SLC4A10: variants seen among roughly 807,000 people sequenced by gnomAD.
SLC4A10 encodes solute carrier family 4 member 10, also known as sodium-driven chloride bicarbonate exchanger.
Under a neutral mutation model 137.7 loss-of-function variants are expected in SLC4A10, and 42 were observed. That is an observed-to-expected ratio of 0.30 (90% CI 0.24 to 0.39). SLC4A10 has a LOEUF of 0.39. Ranked by LOEUF, SLC4A10 falls within the 10% of genes least tolerant of loss-of-function variation. SLC4A10 has a pLI of 1.00. For missense variants in SLC4A10, 925 were observed against 1,355.0 expected (o/e 0.68, Z 4.98); for synonymous variants, 474 against 464.1 (o/e 1.02, Z -0.27).
At chr2:161,673,969 G>A (rs2040014545) in intron 1 of SLC4A10, among the ~76,000 whole-genome samples, 2 of 152,028 alleles carry the variant, frequency 1.3e-5, no homozygotes, top group Admixed American at 1.3e-4. Context: ...CAGCCTGGGT[G>A]ACACAGCAAG....
Position 161,974,277 on chromosome 2 carries a change from ATGAGG to A in SLC4A10, c.3189_3193del (p.Asp1063GlufsTer12). On this transcript the variant is annotated frameshift_variant, in exon 24 of 27. Transcript: ENST00000446997. LOFTEE classifies it high-confidence loss of function. ...GAACAAAGTATGCTAGCTATGGAAGATGAGGGCACAGTACAACTCCCATTGGAAGG... is the reference window on the plus strand; with the variant it reads ...GAACAAAGTATGCTAGCTATGGAAGAGCACAGTACAACTCCCATTGGAAGG... 1 of 1,608,826 alleles carries A rather than the reference ATGAGG, an allele frequency of 6.2e-7. No homozygotes were observed.
In SLC4A10 at chr2:161,850,190, G is replaced by A. The variant is rs140825429; in HGVS notation, c.417-4780G>A. On this transcript the variant is annotated intron_variant, in intron 4 of 26. Coordinates refer to ENST00000446997, the MANE Select transcript of SLC4A10 (RefSeq NM_001178015.2). ...GGATCACTTGAGCCCAGACATTTGA[G>A]ACCAGCTTGGCCAAAATGGCAAAAC... Among the ~76,000 whole-genome samples the A allele has an allele frequency of 1.5e-3, 221 of 152,118 alleles. 1 individual carries two copies. Among genetic ancestry groups the A allele is most frequent in the African/African-American group, 5.1e-3 (213 of 41,500 alleles).
chr2:161,817,031 T>C (rs2057142237), intron 3 of SLC4A10, among the ~76,000 whole-genome samples: 1 of 152,198 alleles, frequency 6.6e-6, no homozygotes, highest in African/African-American at 2.4e-5. Context: ...TATTTCTAGT[T>C]CTAGATCCCT....
intron 9 of SLC4A10, among the ~76,000 whole-genome samples, chr2:161,880,651 CTA>C (rs1358683703): frequency 6.6e-6 from 1 of 152,134 alleles, no homozygotes; most frequent in Non-Finnish European, 1.5e-5. Context: ...GTGATTCAGG[CTA>C]TATGTTTTCT....
chr2:161,841,185 C>G (rs963115874), intron 4 of SLC4A10, among the ~76,000 whole-genome samples: 1 of 152,114 alleles, frequency 6.6e-6, no homozygotes, highest in African/African-American at 2.4e-5. Flanking sequence ...TCAAGCCATT[C>G]TCCTGCCCCA....
Position 161,851,184 on chromosome 2 carries a change from T to C in SLC4A10, c.417-3786T>C, listed in dbSNP as rs2059810624. Among the ~76,000 whole-genome samples, 3 of 152,360 alleles carry C rather than the reference T, an allele frequency of 2.0e-5. No homozygotes were observed. In the South Asian group the frequency reaches 6.2e-4, roughly 32 times the overall value. The stretch of plus-strand genomic sequence containing the variant: ...CTGCAGATGAAAAGAATGTATATTC[T>C]GTTTTTGTTGGGTGGAGTGTTCTGT... On this transcript the variant is annotated intron_variant, in intron 4 of 26. Coordinates refer to ENST00000446997, the MANE Select transcript of SLC4A10 (RefSeq NM_001178015.2).
intron 15 of SLC4A10, chr2:161,931,542 T>TAAA (rs2105634057): frequency 1.3e-5 from 2 of 152,328 alleles, no homozygotes; most frequent in African/African-American, 4.8e-5. Flanking sequence ...TAATACTTTT[T>TAAA]AAATCTTTAA....
At chr2:161,818,180 T>C (rs937344233) in intron 3 of SLC4A10, among the ~76,000 whole-genome samples, 7 of 152,232 alleles carry the variant, frequency 4.6e-5, no homozygotes, top group South Asian at 2.1e-4. Context: ...TAGTTCTCCT[T>C]GACGAGGTCC....
chr2:161,724,261 G>C (rs962299382), intron 1 of SLC4A10, among the ~76,000 whole-genome samples: 3 of 152,150 alleles, frequency 2.0e-5, no homozygotes, highest in Non-Finnish European at 4.4e-5. Flanking sequence ...ACCAGAATCA[G>C]GGGTTTGCCT....
chr2:161,863,173 A>C, intron 6 of SLC4A10, 111 bp downstream of exon 6: 1 of 1,010,406 alleles, frequency 9.9e-7, no homozygotes, highest in Non-Finnish European at 1.4e-6. Flanking sequence ...TTTGAAATTC[A>C]GATTATTGTA....
chr2:161,975,441 C>T (rs984414287), intron 24 of SLC4A10, among the ~76,000 whole-genome samples: 9 of 152,116 alleles, frequency 5.9e-5, no homozygotes, highest in Non-Finnish European at 1.3e-4. Context: ...TGTATAGCTT[C>T]GTTCAATCAA....
At chr2:161,802,973 A>G (rs1249118912) in intron 2 of SLC4A10, among the ~76,000 whole-genome samples, 1 of 152,164 alleles carries the variant, frequency 6.6e-6, no homozygotes, top group African/African-American at 2.4e-5. Flanking sequence ...CTCGGGGGAC[A>G]TAAGCCTTCA....
chr2:161,728,752 A>G (rs2125166059), intron 1 of SLC4A10, among the ~76,000 whole-genome samples: 1 of 152,316 alleles, frequency 6.6e-6, no homozygotes, highest in Non-Finnish European at 1.5e-5. Flanking sequence ...CAAAGGCAAT[A>G]CAAGAAAATG....
In SLC4A10 at chr2:161,957,162, C is replaced by A; in HGVS notation, c.2715C>A (p.Gly905=). ...CAGGAGAACAACCCAAATTTCTCGG[C>A]ATTCGGGAGCAAAGGGTTACTGGGC... is the stretch of plus-strand genomic sequence containing the variant. ...SAPGEQPKFL[G]IREQRVTGLM... is the part of the protein sequence containing the mutation. The change falls in exon 20 of 27, where the codon GGC becomes GGA. Residue 905 remains glycine (G), a synonymous_variant. Transcript: ENST00000446997. 1 of 1,613,766 alleles carries A rather than the reference C, an allele frequency of 6.2e-7. No individual in the cohort carries two copies.
At chr2:161,820,604 T>A (rs2057531196) in intron 3 of SLC4A10, among the ~76,000 whole-genome samples, 1 of 152,232 alleles carries the variant, frequency 6.6e-6, no homozygotes, top group Non-Finnish European at 1.5e-5. Flanking sequence ...TTCACCAATG[T>A]TTTTGATGTA....
chr2:161,662,896 G>A (rs940410482), intron 1 of SLC4A10, among the ~76,000 whole-genome samples: 1 of 152,182 alleles, frequency 6.6e-6, no homozygotes, highest in Non-Finnish European at 1.5e-5. Context: ...AGAGTAACTG[G>A]TTGATGAGGA....
intron 1 of SLC4A10, among the ~76,000 whole-genome samples, chr2:161,682,135 A>C (rs537213267): frequency 3.9e-5 from 6 of 152,108 alleles, no homozygotes; most frequent in Non-Finnish European, 8.8e-5. Flanking sequence ...GTCCCACCAA[A>C]TACTTTTTGG....
chr2:161,812,287 C>A (rs905901089), intron 3 of SLC4A10, among the ~76,000 whole-genome samples: 1 of 151,980 alleles, frequency 6.6e-6, no homozygotes, highest in African/African-American at 2.4e-5. Flanking sequence ...CATTCTGTTC[C>A]ATTTACTTTG....
At chr2:161,737,022 A>G (rs560562474) in intron 1 of SLC4A10, among the ~76,000 whole-genome samples, 8 of 151,372 alleles carry the variant, frequency 5.3e-5, no homozygotes, top group African/African-American at 1.2e-4. Flanking sequence ...GACCATGCCC[A>G]GTGATTTTTT....
Sources: allele counts gnomAD v4.1 joint callset (sites outside exome capture counted in the v4.1 genomes callset), GRCh38; gene constraint gnomAD v4.1.1; transcripts MANE v1.5; gene names NCBI Gene and HGNC (gene_info 2026-07-23, HGNC 2026-07-21).